PAN3: variants seen among roughly 807,000 people sequenced by gnomAD.
The protein encoded by PAN3 is poly(A) specific ribonuclease subunit PAN3.
A neutral mutation model predicts 96.2 loss-of-function variants in PAN3; 19 were observed. That is an observed-to-expected ratio of 0.20 (90% CI 0.14 to 0.29). The LOEUF (loss-of-function observed/expected upper bound fraction) is 0.29, where lower values mean the gene tolerates loss of function less well. Ranked by LOEUF, PAN3 falls within the 10% of genes least tolerant of loss-of-function variation. The pLI, the probability that PAN3 is intolerant of heterozygous loss-of-function variation, is 1.00. For missense variants in PAN3, 882 were observed against 1,108.1 expected (o/e 0.80, Z 2.90); for synonymous variants, 433 against 406.6 (o/e 1.06, Z -0.78).
At chr13:28,154,672 T>C (rs969416213) in intron 1 of PAN3, among the ~76,000 whole-genome samples, 1 of 151,802 alleles carries the variant, frequency 6.6e-6, no homozygotes, top group Non-Finnish European at 1.5e-5. Flanking sequence ...TTTTTTGTAT[T>C]TTTAGTAGAG....
intron 9 of PAN3, among the ~76,000 whole-genome samples, chr13:28,263,042 A>G (rs1885865039): frequency 6.6e-6 from 1 of 152,210 alleles, no homozygotes; most frequent in African/African-American, 2.4e-5. Flanking sequence ...CTTCCAGTCA[A>G]ATCTTTTCAT....
chr13:28,196,478 A>G (rs1878071738), intron 4 of PAN3, among the ~76,000 whole-genome samples: 1 of 151,956 alleles, frequency 6.6e-6, no homozygotes, highest in Admixed American at 6.6e-5. Flanking sequence ...TTATGATTTT[A>G]TTGAATAATT....
intron 1 of PAN3, among the ~76,000 whole-genome samples, chr13:28,171,116 ACCACATGAC>A (rs959615058): frequency 3.3e-5 from 5 of 152,080 alleles, no homozygotes; most frequent in African/African-American, 1.2e-4. Flanking sequence ...CTTTTAACCA[ACCACATGAC>A]CCAAAATTGT....
intron 1 of PAN3, among the ~76,000 whole-genome samples, chr13:28,151,960 G>T (rs570295417): frequency 2.6e-4 from 39 of 152,128 alleles, no homozygotes; most frequent in Non-Finnish European, 5.0e-4. Context: ...TGTATACTTG[G>T]CATTTAAAAT....
rs185774135 is a variant in PAN3, at chr13:28,237,098, G to T, written c.1000+16720G>T. On this transcript the variant is annotated intron_variant, in intron 6 of 18. Transcript: ENST00000380958. ...TTCAAATATTTATATCCAAAGAGTA[G>T]AATTTTGTTTTAAAATTAGCATTGT... 6.9e-4 allele frequency among the ~76,000 whole-genome samples: 105 copies of T among 152,146 alleles called. 1 individual carries two copies. Among genetic ancestry groups the T allele is most frequent in the Non-Finnish European group, 1.3e-3 (89 of 68,004 alleles).
chr13:28,176,898 A>G (rs1875087277), intron 3 of PAN3, among the ~76,000 whole-genome samples: 1 of 152,022 alleles, frequency 6.6e-6, no homozygotes. Flanking sequence ...TCAACATGCT[A>G]TTTTATTAAC....
chr13:28,238,053 C>G (rs1883265858), intron 6 of PAN3, among the ~76,000 whole-genome samples: 1 of 152,132 alleles, frequency 6.6e-6, no homozygotes, highest in African/African-American at 2.4e-5. Context: ...AAAAGAAATT[C>G]AAATCAGGCA....
intron 1 of PAN3, among the ~76,000 whole-genome samples, chr13:28,151,347 C>T (rs1360961889): frequency 6.6e-6 from 1 of 152,048 alleles, no homozygotes; most frequent in East Asian, 1.9e-4. Context: ...AACCCCATCT[C>T]TACTAAAAAT....
chr13:28,208,125 T>G (rs1879589135), intron 5 of PAN3, among the ~76,000 whole-genome samples: 1 of 152,160 alleles, frequency 6.6e-6, no homozygotes, highest in Non-Finnish European at 1.5e-5. Flanking sequence ...TATTTGAAAA[T>G]CTTAATATAT....
At position 28,139,075 on chromosome 13, in the gene PAN3, C is replaced by T. The variant is rs1381625029; in HGVS notation, c.418C>T (p.Pro140Ser). The change falls in exon 1 of 19, where the codon CCG becomes TCG. Residue 140 changes from proline to serine, a missense_variant. Around this residue, in one of 3 missense-constraint regions of PAN3, gnomAD observed 442 missense variants for 422.8 expected, o/e 1.05. Transcript: ENST00000380958. Reference sequence around the variant, plus strand: ...AGGCAGTAGCGGGGGACTCGATGGACCGCGGCTGGCAAGTGAGTGTTTTTC... The same window carrying T: ...AGGCAGTAGCGGGGGACTCGATGGATCGCGGCTGGCAAGTGAGTGTTTTTC... Reference protein sequence around the residue: ...GGGSSGGLDGPRLAIPGMDGG... With the variant: ...GGGSSGGLDGSRLAIPGMDGG... The T allele has an allele frequency of 2.4e-6, 3 of 1,268,470 alleles. No homozygotes were observed. The highest frequency in any genetic ancestry group is 2.7e-5 in the South Asian group (1 of 36,906). The allele number at this position is 1,268,470 out of a possible 1,614,324, so 78.6% of individuals were successfully genotyped here. A position where few individuals can be genotyped will look rare whatever the true frequency, so the allele number is the denominator to read the frequency against.
chr13:28,139,551 TAGGGGGCGGGAG>T (rs1869379224), intron 1 of PAN3, among the ~76,000 whole-genome samples: 1 of 86,996 alleles, frequency 1.1e-5, no homozygotes, highest in Non-Finnish European at 2.5e-5. Context: ...TGTGTGTGTG[TAGGGGGCGGGAG>T]GTGAGGGGCG....
intron 14 of PAN3, 96 bp downstream of exon 14, chr13:28,272,167 T>TA: frequency 1.2e-6 from 1 of 864,386 alleles, no homozygotes. Flanking sequence ...GCCTAGATTT[T>TA]AATTTATTTT....
chr13:28,226,957 T>A (rs1051841691), intron 6 of PAN3, among the ~76,000 whole-genome samples: 20 of 152,342 alleles, frequency 1.3e-4, no homozygotes, highest in African/African-American at 2.9e-4. Context: ...TTAACAACTA[T>A]TTTATGATTA....
At chr13:28,259,842 T>G (rs1179755218) in intron 7 of PAN3, among the ~76,000 whole-genome samples, 1 of 151,962 alleles carries the variant, frequency 6.6e-6, no homozygotes, top group Non-Finnish European at 1.5e-5. Context: ...TTCTCCATTT[T>G]GGTCAGGCTG....
chr13:28,221,238 A>AG, intron 6 of PAN3, among the ~76,000 whole-genome samples: 1 of 152,184 alleles, frequency 6.6e-6, no homozygotes. Context: ...TTGAATTCAT[A>AG]GTAAGTGCTG....
Position 28,184,021 on chromosome 13 carries a change from C to G in PAN3, c.690+6086C>G, listed in dbSNP as rs118007418. On this transcript the variant is annotated intron_variant, in intron 4 of 18. Coordinates refer to ENST00000380958, the MANE Select transcript of PAN3 (RefSeq NM_175854.8). ...AAAATTGTCCTCTGGAAACGTGGTT[C>G]TGTAGCTGCTCTGAGGATGTCTACC... 2.6e-5 allele frequency among the ~76,000 whole-genome samples: 4 copies of G among 152,258 alleles called. No individual in the cohort carries two copies. In the East Asian group the frequency reaches 5.8e-4, roughly 22 times the overall value.
intron 6 of PAN3, among the ~76,000 whole-genome samples, chr13:28,237,354 G>T (rs1883206445): frequency 6.6e-6 from 1 of 152,100 alleles, no homozygotes; most frequent in South Asian, 2.1e-4. Flanking sequence ...GGAAAAGATG[G>T]GTTGGAACCT....
intron 6 of PAN3, among the ~76,000 whole-genome samples, chr13:28,245,428 C>T (rs1884087847): frequency 6.6e-6 from 1 of 150,724 alleles, no homozygotes; most frequent in African/African-American, 2.4e-5. Context: ...GTCCCCCCAA[C>T]ACCCCTCCCA....
intron 1 of PAN3, among the ~76,000 whole-genome samples, chr13:28,173,506 A>G (rs1874569204): frequency 6.6e-6 from 1 of 152,208 alleles, no homozygotes; most frequent in African/African-American, 2.4e-5. Context: ...AGAAAATAAA[A>G]ATTACCTCAG....
Sources: allele counts gnomAD v4.1 joint callset (sites outside exome capture counted in the v4.1 genomes callset), GRCh38; gene constraint gnomAD v4.1.1; regional missense constraint gnomAD v4.1.1; transcripts MANE v1.5; gene names NCBI Gene and HGNC (gene_info 2026-07-23, HGNC 2026-07-21).